RAB15: variants seen among roughly 807,000 people sequenced by gnomAD.
RAB15 encodes RAB15, member RAS oncogene family, also known as ras-related protein Rab-15.
A neutral mutation model predicts 31.8 loss-of-function variants in RAB15; 13 were observed. That is an observed-to-expected ratio of 0.41 (90% CI 0.27 to 0.65). The LOEUF (loss-of-function observed/expected upper bound fraction) is 0.65. Ranked by LOEUF, RAB15 falls within the 30% of genes least tolerant of loss-of-function variation. RAB15 has a pLI of 0.32. For synonymous variants in RAB15, 100 were observed against 105.6 expected (o/e 0.95, Z 0.33); for missense variants, 220 against 277.3 (o/e 0.79, Z 1.47).
rs928252802 is a variant in RAB15 at position 64,955,042 on chromosome 14, C to T, written c.125-2471G>A. Among the ~76,000 whole-genome samples, 1 of 152,022 alleles carries T rather than the reference C, an allele frequency of 6.6e-6. No individual in the cohort carries two copies. Among genetic ancestry groups the T allele is most frequent in the Non-Finnish European group, 1.5e-5 (1 of 67,998 alleles). On this transcript the variant is annotated intron_variant, in intron 1 of 6. Transcript: ENST00000533601. This position sits in a 1 kb window ranked among gnomAD's most constrained non-coding sequence, Gnocchi z 4.4. ...CCTCCCTCACTTCTTAGCTATGTGG[C>T]GGGGGACTAAGGCTGAGGAATTCCG...
In RAB15 at chr14:64,951,331, C is replaced by T. The variant is rs1270559817; in HGVS notation, c.247-180G>A. Reference sequence around the variant, plus strand: ...CGCCTCCCAGGCCCATCACAGAACTCTCTACAGCAGGAAGACACCACATGC... The same window carrying T: ...CGCCTCCCAGGCCCATCACAGAACTTTCTACAGCAGGAAGACACCACATGC... On this transcript the variant is annotated intron_variant, in intron 3 of 6. Transcript: ENST00000533601. This position sits in a 1 kb window ranked among gnomAD's most constrained non-coding sequence, Gnocchi z 7.2. Among the ~76,000 whole-genome samples, 3 of 152,194 alleles carry T rather than the reference C, an allele frequency of 2.0e-5. No homozygotes were observed. The highest frequency in any genetic ancestry group is 4.4e-5 in the Non-Finnish European group (3 of 68,040).
At position 64,948,124 on chromosome 14, in the gene RAB15, T is replaced by C. The variant is rs1222251240; in HGVS notation, c.*230A>G. On this transcript the variant is annotated 3_prime_UTR_variant, in exon 7 of 7. Coordinates refer to ENST00000533601, the MANE Select transcript of RAB15 (RefSeq NM_001308154.2). The surrounding 1 kb of genome is among the most constrained non-coding windows in gnomAD (Gnocchi z 7.0). Reference sequence around the variant, plus strand: ...GTGGGGGTCGTAGCAGGCCTGTGGCTGGGGAAACAGGCTGAAGAAGACCAC... The same window carrying C: ...GTGGGGGTCGTAGCAGGCCTGTGGCCGGGGAAACAGGCTGAAGAAGACCAC... 5 of 461,390 alleles carry C rather than the reference T, an allele frequency of 1.1e-5. No homozygotes were observed. Among genetic ancestry groups the C allele is most frequent in the South Asian group, 5.1e-5 (1 of 19,512 alleles). 28.6% of individuals were successfully genotyped at this position (461,390 alleles called of 1,614,324 possible). A position where few individuals can be genotyped will look rare whatever the true frequency, so the allele number is the denominator to read the frequency against.
chr14:64,955,977 G>T lies in RAB15; in HGVS notation c.125-3406C>A, dbSNP rs1886534225. Among the ~76,000 whole-genome samples the T allele has an allele frequency of 6.6e-6, 1 of 152,202 alleles. No homozygotes were observed. The highest frequency in any genetic ancestry group is 2.1e-4 in the South Asian group (1 of 4,828). On this transcript the variant is annotated intron_variant, in intron 1 of 6. Transcript: ENST00000533601. This position sits in a 1 kb window ranked among gnomAD's most constrained non-coding sequence, Gnocchi z 4.4. ...CAGATTCTGATCTGGTAGGTGTAGG[G>T]CAAGGCCTGAGATGCTGCAGGAAGC...
intron 1 of RAB15, among the ~76,000 whole-genome samples, chr14:64,963,733 G>T (rs1461705275): frequency 6.6e-6 from 1 of 152,178 alleles, no homozygotes; most frequent in East Asian, 1.9e-4. Flanking sequence ...CCATGGTGTG[G>T]CCACTCCAGC....
chr14:64,960,087 T>C (rs1215165042), intron 1 of RAB15, among the ~76,000 whole-genome samples: 2 of 152,202 alleles, frequency 1.3e-5, no homozygotes, highest in Admixed American at 1.3e-4. Flanking sequence ...CTGTATGGTG[T>C]CTGCCCCAGC....
At position 64,953,354 on chromosome 14, in the gene RAB15, C is replaced by G. The variant is rs891269578; in HGVS notation, c.125-783G>C. Reference sequence around the variant, plus strand: ...TATCTCAGAGGGTTGCTGAGGAGGCCGGATGAGATACAGCACCTGGCCCAA... The same window carrying G: ...TATCTCAGAGGGTTGCTGAGGAGGCGGGATGAGATACAGCACCTGGCCCAA... On this transcript the variant is annotated intron_variant, in intron 1 of 6. Transcript: ENST00000533601. This position sits in a 1 kb window ranked among gnomAD's most constrained non-coding sequence, Gnocchi z 4.6. 6.6e-6 allele frequency among the ~76,000 whole-genome samples: 1 copy of G among 152,116 alleles called. No homozygotes were observed. Among genetic ancestry groups the G allele is most frequent in the East Asian group, 1.9e-4 (1 of 5,196 alleles).
chr14:64,953,716 C>A lies in RAB15; in HGVS notation c.125-1145G>T, dbSNP rs1886393126. ...GTTGTTTTGCTGACCATGCCTCTCCCCAACTCTAACTATACCCAGGCACTA... is the reference window on the plus strand; with the variant it reads ...GTTGTTTTGCTGACCATGCCTCTCCACAACTCTAACTATACCCAGGCACTA... On this transcript the variant is annotated intron_variant, in intron 1 of 6. Coordinates refer to ENST00000533601, the MANE Select transcript of RAB15 (RefSeq NM_001308154.2). This position sits in a 1 kb window ranked among gnomAD's most constrained non-coding sequence, Gnocchi z 4.6. The A allele has an allele frequency of 1.2e-6, 1 of 866,486 alleles. No homozygotes were observed. Among genetic ancestry groups the A allele is most frequent in the Non-Finnish European group, 1.4e-6 (1 of 721,486 alleles). 53.7% of individuals were successfully genotyped at this position (866,486 alleles called of 1,614,324 possible). A position where few individuals can be genotyped will look rare whatever the true frequency, so the allele number is the denominator to read the frequency against.
intron 1 of RAB15, among the ~76,000 whole-genome samples, chr14:64,960,862 C>A (rs1194684028): frequency 2.0e-5 from 3 of 152,148 alleles, no homozygotes; most frequent in Non-Finnish European, 4.4e-5. Flanking sequence ...AGAGGAAATG[C>A]CGCCCCCTGT....
rs2139994018 is a variant in RAB15 at position 64,962,772 on chromosome 14, A to G, written c.124+9181T>C. ...TTTGTTACAAAAGGGGAACTGCAGC[A>G]AGACCCCTCCCTTCTCTCAGGTCTT... On this transcript the variant is annotated intron_variant, in intron 1 of 6. Transcript: ENST00000533601. The surrounding 1 kb of genome is among the most constrained non-coding windows in gnomAD (Gnocchi z 4.2). 6.6e-6 allele frequency among the ~76,000 whole-genome samples: 1 copy of G among 152,320 alleles called. No individual in the cohort carries two copies. Among genetic ancestry groups the G allele is most frequent in the East Asian group, 1.9e-4 (1 of 5,184 alleles).
chr14:64,952,984 C>T lies in RAB15; in HGVS notation c.125-413G>A, dbSNP rs1159413478. Among the ~76,000 whole-genome samples the T allele has an allele frequency of 6.6e-6, 1 of 152,228 alleles. No individual in the cohort carries two copies. The highest frequency in any genetic ancestry group is 1.5e-5 in the Non-Finnish European group (1 of 68,042). On this transcript the variant is annotated intron_variant, in intron 1 of 6. Coordinates refer to ENST00000533601, the MANE Select transcript of RAB15 (RefSeq NM_001308154.2). The surrounding 1 kb of genome is among the most constrained non-coding windows in gnomAD (Gnocchi z 4.2). Reference sequence around the variant, plus strand: ...TAGGAATAGCAACCCACATTATTTGCCTGCTTTCTTCCCTCTCTCTCTTTG... The same window carrying T: ...TAGGAATAGCAACCCACATTATTTGTCTGCTTTCTTCCCTCTCTCTCTTTG...
intron 1 of RAB15, among the ~76,000 whole-genome samples, chr14:64,965,649 T>G (rs951734226): frequency 6.6e-6 from 1 of 151,968 alleles, no homozygotes; most frequent in African/African-American, 2.4e-5. Flanking sequence ...AAAGATTGGA[T>G]TACAGAAGAA....
chr14:64,956,447 G>A (rs1019440953), intron 1 of RAB15, among the ~76,000 whole-genome samples: 20 of 151,054 alleles, frequency 1.3e-4, no homozygotes, highest in Admixed American at 1.1e-3. Flanking sequence ...AAAAGAAAAC[G>A]AAATGCAAAT....
At position 64,948,657 on chromosome 14, in the gene RAB15, AG is replaced by A. The variant is rs1365947492; in HGVS notation, c.480+10del. On this transcript the variant is annotated intron_variant, in intron 6 of 6. Transcript: ENST00000533601. This position sits in a 1 kb window ranked among gnomAD's most constrained non-coding sequence, Gnocchi z 7.0. ...CCGAGAGAGCGGGCGCCTGGTCACC[AG>A]GGCTCTCACCTCTTTAATGTTGAGG... The A allele has an allele frequency of 6.2e-7, 1 of 1,614,078 alleles. No individual in the cohort carries two copies. Among genetic ancestry groups the A allele is most frequent in the South Asian group, 1.1e-5 (1 of 91,082 alleles).
In RAB15 at chr14:64,950,889, G is replaced by A; in HGVS notation, c.324+185C>T. ...AGACACAGCCGTGGAGGCCTGGCAG[G>A]GTATAGAGAGTGAGGGCATGGCAGC... On this transcript the variant is annotated intron_variant, in intron 4 of 6. Coordinates refer to ENST00000533601, the MANE Select transcript of RAB15 (RefSeq NM_001308154.2). This position sits in a 1 kb window ranked among gnomAD's most constrained non-coding sequence, Gnocchi z 5.6. The A allele has an allele frequency of 1.7e-6, 2 of 1,204,638 alleles. No individual in the cohort carries two copies. The highest frequency in any genetic ancestry group is 2.0e-4 in the Middle Eastern group (1 of 4,966). The allele number at this position is 1,204,638 out of a possible 1,614,324, so 74.6% of individuals were successfully genotyped here.
In RAB15 at chr14:64,946,951, G is replaced by A. The variant is rs1420273203; in HGVS notation, c.*1403C>T. Reference sequence around the variant, plus strand: ...TGAACATAGCACTCTGGAGGAAGGAGTCCTCTTCCCTCCACCTGTAGCCAC... The same window carrying A: ...TGAACATAGCACTCTGGAGGAAGGAATCCTCTTCCCTCCACCTGTAGCCAC... On this transcript the variant is annotated 3_prime_UTR_variant, in exon 7 of 7. Transcript: ENST00000533601. 1.3e-5 allele frequency: 2 copies of A among 152,640 alleles called. No homozygotes were observed. Among genetic ancestry groups the A allele is most frequent in the Non-Finnish European group, 2.9e-5 (2 of 68,044 alleles). 9.5% of individuals were successfully genotyped at this position (152,640 alleles called of 1,614,324 possible).
At chr14:64,969,201 TGGAATCTCTCGGTCTCA>T (rs1220177101) in intron 1 of RAB15, among the ~76,000 whole-genome samples, 9 of 152,222 alleles carry the variant, frequency 5.9e-5, no homozygotes, top group Non-Finnish European at 1.3e-4. Flanking sequence ...TTATTCATCT[TGGAATCTCTCGGTCTCA>T]GTGCAGAGCC....
intron 1 of RAB15, among the ~76,000 whole-genome samples, chr14:64,961,046 A>G (rs915321418): frequency 2.0e-5 from 3 of 151,958 alleles, no homozygotes; most frequent in African/African-American, 4.8e-5. Flanking sequence ...GCCAAATGTT[A>G]TCACCAGGAT....
In RAB15 at chr14:64,947,064, C is replaced by T. The variant is rs1386149575; in HGVS notation, c.*1290G>A. 3.9e-5 allele frequency: 6 copies of T among 152,618 alleles called. No individual in the cohort carries two copies. In the East Asian group the frequency reaches 1.2e-3, roughly 29 times the overall value. The allele number at this position is 152,618 out of a possible 1,614,324, so 9.5% of individuals were successfully genotyped here. ...AAAGGCCAAAGAGAACAGCACCAAG[C>T]GTTTCTACCCAGGGCCTTCCTTCTC... On this transcript the variant is annotated 3_prime_UTR_variant, in exon 7 of 7. Coordinates refer to ENST00000533601, the MANE Select transcript of RAB15 (RefSeq NM_001308154.2). The surrounding 1 kb of genome is among the most constrained non-coding windows in gnomAD (Gnocchi z 5.6).
At chr14:64,960,154 A>C (rs556842769) in intron 1 of RAB15, among the ~76,000 whole-genome samples, 98 of 152,308 alleles carry the variant, frequency 6.4e-4, no homozygotes, top group African/African-American at 2.3e-3. Context: ...CTGTTGGAGA[A>C]CTGGGAAGAC....
Sources: allele counts gnomAD v4.1 joint callset (sites outside exome capture counted in the v4.1 genomes callset), GRCh38; gene constraint gnomAD v4.1.1; non-coding constraint Gnocchi (gnomAD v3.1); transcripts MANE v1.5; gene names NCBI Gene and HGNC (gene_info 2026-07-23, HGNC 2026-07-21).